Variants in PHF12 observed in about 807,000 individuals in gnomAD.
PHF12 encodes PHD finger protein 12.
A neutral mutation model predicts 99.8 loss-of-function variants in PHF12; 6 were observed. The ratio of observed to expected loss-of-function variants is 0.06; its 90% CI spans 0.03 to 0.12. The LOEUF (loss-of-function observed/expected upper bound fraction) is 0.12. PHF12 is among the 10% of genes least tolerant of loss of function. The pLI is 1.00. For missense variants in PHF12, 954 were observed against 1,300.1 expected (o/e 0.73, Z 4.09); for synonymous variants, 480 against 514.9 (o/e 0.93, Z 0.92).
In PHF12 at chr17:28,947,210, T is replaced by G. The variant is rs371529498; in HGVS notation, c.248+2855A>C. On this transcript the variant is annotated intron_variant, in intron 2 of 14. Transcript: ENST00000332830. ...GTTGGCCAGGCTGGTCTCGAACTCC[T>G]GACCTCGTGATCCACCCTCCTCGGC... Among the ~76,000 whole-genome samples, 65 of 151,744 alleles carry G rather than the reference T, an allele frequency of 4.3e-4. 2 individuals carry two copies. In the South Asian group the frequency reaches 0.012, roughly 28 times the overall value.
intron 2 of PHF12, 133 bp from the exon 3 acceptor site, chr17:28,927,196 A>C: frequency 1.3e-6 from 1 of 747,254 alleles, no homozygotes. Context: ...GTCTCCTCCA[A>C]AATGCCTAAG....
chr17:28,918,999 G>T, intron 6 of PHF12, 144 bp downstream of exon 6: 1 of 1,039,542 alleles, frequency 9.6e-7, no homozygotes. Flanking sequence ...AAAATGATCA[G>T]AATTGAGTAG....
At chr17:28,927,323 G>C (rs73266412) in intron 2 of PHF12, among the ~76,000 whole-genome samples, 17,991 of 151,998 alleles carry the variant, frequency 0.12, 1,089 homozygotes, top group Middle Eastern at 0.13. Context: ...TAAAATAACT[G>C]AGAGGTCCTC....
intron 3 of PHF12, chr17:28,926,787 C>T (rs2040282067): frequency 1.3e-6 from 2 of 1,525,224 alleles, no homozygotes; most frequent in South Asian, 1.2e-5. Context: ...CACACCTCTT[C>T]TGCCCATTTC....
chr17:28,949,512 T>C lies in PHF12; in HGVS notation c.248+553A>G, dbSNP rs1375221746. ...GCCAAAATGGCGCTGAGAATAAAAA[T>C]ATAATTTAAAGGCAGGTCGCCATAT... On this transcript the variant is annotated intron_variant, in intron 2 of 14. Transcript: ENST00000332830. This position sits in a 1 kb window ranked among gnomAD's most constrained non-coding sequence, Gnocchi z 4.6. Among the ~76,000 whole-genome samples, 1 of 151,990 alleles carries C rather than the reference T, an allele frequency of 6.6e-6. No individual in the cohort carries two copies. Among genetic ancestry groups the C allele is most frequent in the African/African-American group, 2.4e-5 (1 of 41,360 alleles).
At chr17:28,935,130 A>G (rs2040485828) in intron 2 of PHF12, among the ~76,000 whole-genome samples, 1 of 152,236 alleles carries the variant, frequency 6.6e-6, no homozygotes, top group African/African-American at 2.4e-5. Context: ...CTATGAAGAC[A>G]GAGCTCTTGC....
intron 9 of PHF12, chr17:28,912,153 T>C: frequency 8.8e-7 from 1 of 1,134,512 alleles, no homozygotes; most frequent in South Asian, 3.8e-5. Flanking sequence ...TGCCTTCTTT[T>C]AAGGTGACAG....
chr17:28,937,453 T>C lies in PHF12; in HGVS notation c.249-10390A>G, dbSNP rs528853641. Among the ~76,000 whole-genome samples, 139 of 152,348 alleles carry C rather than the reference T, an allele frequency of 9.1e-4. 1 individual carries two copies. The highest frequency in any genetic ancestry group is 3.2e-3 in the African/African-American group (134 of 41,580). Reference sequence around the variant, plus strand: ...AAAGGTACAAGGACTGTTGGGTTTCTCATGCAAAGCCTCAGTGAGAGTGTT... The same window carrying C: ...AAAGGTACAAGGACTGTTGGGTTTCCCATGCAAAGCCTCAGTGAGAGTGTT... On this transcript the variant is annotated intron_variant, in intron 2 of 14. Coordinates refer to ENST00000332830, the MANE Select transcript of PHF12 (RefSeq NM_001033561.2).
At chr17:28,948,246 A>G (rs1181594003) in intron 2 of PHF12, among the ~76,000 whole-genome samples, 2 of 152,246 alleles carry the variant, frequency 1.3e-5, no homozygotes, top group East Asian at 1.9e-4. Context: ...TTTTAAATCA[A>G]GAAGTCTACA....
intron 2 of PHF12, among the ~76,000 whole-genome samples, chr17:28,945,767 G>C (rs1181670221): frequency 2.0e-5 from 3 of 152,202 alleles, no homozygotes; most frequent in South Asian, 4.1e-4. Context: ...TCAGTCCAGA[G>C]ACCTTTCAGA....
intron 2 of PHF12, among the ~76,000 whole-genome samples, chr17:28,935,903 T>C (rs759995732): frequency 2.0e-5 from 3 of 152,168 alleles, no homozygotes; most frequent in Non-Finnish European, 4.4e-5. Flanking sequence ...ACCACAAACA[T>C]ACATCCCTCA....
At chr17:28,923,768 A>G in intron 4 of PHF12, 141 bp downstream of exon 4, 3 of 1,079,592 alleles carry the variant, frequency 2.8e-6, no homozygotes, top group South Asian at 1.7e-5. Flanking sequence ...TAAGACCTTC[A>G]AAGATCTCTC....
chr17:28,928,506 T>C lies in PHF12; in HGVS notation c.249-1443A>G, dbSNP rs541924705. 2.6e-5 allele frequency among the ~76,000 whole-genome samples: 4 copies of C among 152,316 alleles called. No homozygotes were observed. The South Asian group carries it at 8.3e-4, about 32-fold the overall frequency. ...TTATTAGAGGGACTAGGACAATGAT[T>C]GGATCTCTTCCCTCCTTGTATTTTT... is the stretch of plus-strand genomic sequence containing the variant. On this transcript the variant is annotated intron_variant, in intron 2 of 14. Transcript: ENST00000332830.
chr17:28,910,388 G>A lies in PHF12; in HGVS notation c.2216-19C>T. ...TCGATTTCTATTAGCCAAAGAGAAAGATTAAAAAGCAGCTGAGATGGGAAG... is the reference window on the plus strand; with the variant it reads ...TCGATTTCTATTAGCCAAAGAGAAAAATTAAAAAGCAGCTGAGATGGGAAG... On this transcript the variant is annotated intron_variant, in intron 10 of 14. Transcript: ENST00000332830. 6.3e-7 allele frequency: 1 copy of A among 1,598,668 alleles called. No individual in the cohort carries two copies. Among genetic ancestry groups the A allele is most frequent in the South Asian group, 1.1e-5 (1 of 89,724 alleles).
At position 28,911,226 on chromosome 17, in the gene PHF12, T is replaced by C; in HGVS notation, c.2101A>G (p.Ser701Gly). 3 of 1,614,132 alleles carry C rather than the reference T, an allele frequency of 1.9e-6. No homozygotes were observed. Among genetic ancestry groups the C allele is most frequent in the Non-Finnish European group, 2.5e-6 (3 of 1,179,994 alleles). Reference sequence around the variant, plus strand: ...CTTCCTATGGATAACGTGCCGGGGCTGACCTTGCCATCTGGGGACGGAGCA... The same window carrying C: ...CTTCCTATGGATAACGTGCCGGGGCCGACCTTGCCATCTGGGGACGGAGCA... ...SPAPSSDGKV[S>G]PGTLSIGSAL... The change falls in exon 10 of 15, where the codon AGC (serine) becomes GGC (glycine). Residue 701 changes from serine to glycine, a missense_variant. This residue lies in a region of PHF12 where 143 missense variants were observed against 191.8 expected (regional missense o/e 0.75). Transcript: ENST00000332830.
chr17:28,949,291 A>C lies in PHF12; in HGVS notation c.248+774T>G, dbSNP rs962632602. On this transcript the variant is annotated intron_variant, in intron 2 of 14. Transcript: ENST00000332830. This position sits in a 1 kb window ranked among gnomAD's most constrained non-coding sequence, Gnocchi z 4.6. ...AACCCGGCCCGATTTCCTAAGAGGC[A>C]GCGGCGCCGGGAGGGAGGAGGGAAG... Among the ~76,000 whole-genome samples the C allele has an allele frequency of 1.5e-4, 23 of 152,062 alleles. No homozygotes were observed. The highest frequency in any genetic ancestry group is 5.3e-4 in the African/African-American group (22 of 41,538).
chr17:28,932,216 T>C (rs1000925538), intron 2 of PHF12, among the ~76,000 whole-genome samples: 1 of 151,796 alleles, frequency 6.6e-6, no homozygotes, highest in Non-Finnish European at 1.5e-5. Flanking sequence ...ACTGAAGCCT[T>C]GACCCCCTAG....
Position 28,924,290 on chromosome 17 carries a change from T to C in PHF12, c.334A>G (p.Lys112Glu), listed in dbSNP as rs2040225867. The part of the protein sequence containing the change: ...CTVRRKKREQ[K>E]KELGHVNGLV... ...CCATTGACATGACCCAGCTCCTTTT[T>C]CTGCTCTCGTTTCTGTGCAAATGAA... The change falls in exon 4 of 15, where the codon AAA becomes GAA. Residue 112 changes from lysine to glutamate, a missense_variant. By Grantham distance (56) the Lys-to-Glu change is moderately conservative (BLOSUM62 1). Transcript: ENST00000332830. The C allele has an allele frequency of 6.2e-7, 1 of 1,614,218 alleles. No individual in the cohort carries two copies. Among genetic ancestry groups the C allele is most frequent in the Non-Finnish European group, 8.5e-7 (1 of 1,180,038 alleles).
At chr17:28,934,055 A>G (rs1470636020) in intron 2 of PHF12, among the ~76,000 whole-genome samples, 2 of 152,196 alleles carry the variant, frequency 1.3e-5, no homozygotes, top group East Asian at 1.9e-4. Flanking sequence ...TCAAAAAAAA[A>G]GTAGCCTTGG....
Sources: gnomAD v4.1 joint callset for allele counts (sites outside exome capture counted in the v4.1 genomes callset) on GRCh38, gnomAD v4.1.1 for gene constraint, gnomAD v4.1.1 regional missense constraint, Gnocchi (gnomAD v3.1) non-coding constraint, MANE v1.5 for transcripts, NCBI Gene and HGNC (gene_info 2026-07-23, HGNC 2026-07-21) for gene names.